The following SPOCK1 variants were observed in gnomAD, a reference collection of about 807,000 sequenced individuals.
SPOCK1 encodes the protein SPARC (osteonectin), cwcv and kazal like domains proteoglycan 1.
In SPOCK1, 23 loss-of-function variants were observed where a neutral mutation model predicts 55.3. That is an observed-to-expected ratio of 0.42 (90% CI 0.30 to 0.59). SPOCK1 has a LOEUF of 0.59. Among genes scored for constraint, SPOCK1 ranks in the 20% least tolerant of loss-of-function variants. The probability of loss-of-function intolerance (pLI) is 0.22; values close to 1 mark genes in which losing one functional copy is unlikely to be tolerated. For missense variants in SPOCK1, 499 were observed against 552.5 expected, an observed-to-expected ratio of 0.90 and a Z score of 0.97; for synonymous variants, 226 against 221.0, an observed-to-expected ratio of 1.02 and a Z score of -0.20.
chr5:137,068,829 T>C (rs962903799), intron 5 of SPOCK1, among the ~76,000 whole-genome samples: 3 of 152,332 alleles, frequency 2.0e-5, no homozygotes, highest in African/African-American at 7.2e-5. Context: ...TGGATCTGTG[T>C]TGTCTGAGAC....
intron 6 of SPOCK1, among the ~76,000 whole-genome samples, chr5:137,022,293 G>A (rs533636752): frequency 6.6e-6 from 1 of 152,108 alleles, no homozygotes. Flanking sequence ...CCCAATTCAT[G>A]TACTAGCTGA....
At chr5:137,474,072 T>C (rs1185251456) in intron 2 of SPOCK1, among the ~76,000 whole-genome samples, 2 of 152,134 alleles carry the variant, frequency 1.3e-5, no homozygotes, top group African/African-American at 4.8e-5. Flanking sequence ...TGATACAATG[T>C]GACTTTGGAG....
chr5:137,279,552 T>C (rs915249959), intron 2 of SPOCK1, among the ~76,000 whole-genome samples: 6 of 152,136 alleles, frequency 3.9e-5, no homozygotes, highest in South Asian at 2.1e-4. Flanking sequence ...CTTTAATCTA[T>C]GACAAAAGGC....
intron 3 of SPOCK1, among the ~76,000 whole-genome samples, chr5:137,190,234 CCATGAAA>C (rs1194611341): frequency 6.6e-6 from 1 of 152,116 alleles, no homozygotes; most frequent in Non-Finnish European, 1.5e-5. Context: ...GGGTAAAACG[CCATGAAA>C]CAGCACAGCA....
intron 4 of SPOCK1, among the ~76,000 whole-genome samples, chr5:137,128,055 C>G (rs1179669060): frequency 1.3e-5 from 2 of 152,084 alleles, no homozygotes; most frequent in Non-Finnish European, 2.9e-5. Flanking sequence ...GGAGGTGAAG[C>G]CTTTGGACAG....
intron 6 of SPOCK1, among the ~76,000 whole-genome samples, chr5:137,033,523 C>T (rs1751824079): frequency 6.6e-6 from 1 of 152,200 alleles, no homozygotes. Flanking sequence ...CGGGACTCAC[C>T]TTGCACGCTA....
intron 3 of SPOCK1, among the ~76,000 whole-genome samples, chr5:137,192,232 C>CA (rs60401497): frequency 0.32 from 22,026 of 67,806 alleles, 3,309 homozygotes; most frequent in Non-Finnish European, 0.41. Flanking sequence ...GACTCTGTCT[C>CA]AAAAAAAAAA....
At chr5:137,230,908 C>T (rs572447840) in intron 3 of SPOCK1, among the ~76,000 whole-genome samples, 1 of 111,196 alleles carries the variant, frequency 9.0e-6, no homozygotes, top group Admixed American at 8.3e-5. Context: ...CTAAGTATAA[C>T]TGTATTTGCA....
At chr5:137,319,497 T>A (rs901443257) in intron 2 of SPOCK1, among the ~76,000 whole-genome samples, 2 of 152,226 alleles carry the variant, frequency 1.3e-5, no homozygotes, top group Non-Finnish European at 2.9e-5. Flanking sequence ...TTGGAAGGCA[T>A]CAATGATAAA....
At chr5:137,361,687 C>T (rs1370888945) in intron 2 of SPOCK1, among the ~76,000 whole-genome samples, 1 of 152,028 alleles carries the variant, frequency 6.6e-6, no homozygotes, top group African/African-American at 2.4e-5. Context: ...GACTTGTTGC[C>T]GTTGTCTTCA....
At chr5:137,348,399 A>G (rs1384224302) in intron 2 of SPOCK1, among the ~76,000 whole-genome samples, 1 of 151,664 alleles carries the variant, frequency 6.6e-6, no homozygotes, top group African/African-American at 2.4e-5. Context: ...ACCAAAATGG[A>G]ACATCTGAAC....
At chr5:137,404,285 C>T (rs886683590) in intron 2 of SPOCK1, among the ~76,000 whole-genome samples, 3 of 152,204 alleles carry the variant, frequency 2.0e-5, no homozygotes, top group Admixed American at 1.3e-4. Context: ...CAAAAGGGAT[C>T]ATGGGCTGGT....
At chr5:137,423,559 C>A (rs918664826) in intron 2 of SPOCK1, among the ~76,000 whole-genome samples, 2 of 152,232 alleles carry the variant, frequency 1.3e-5, no homozygotes, top group Non-Finnish European at 2.9e-5. Flanking sequence ...GAGCGAGGCT[C>A]CATGGCAATG....
chr5:137,155,871 G>T (rs945063793), intron 3 of SPOCK1, among the ~76,000 whole-genome samples: 2 of 152,164 alleles, frequency 1.3e-5, no homozygotes, highest in African/African-American at 4.8e-5. Context: ...CCTGTTAGAG[G>T]GCAGACCCAC....
chr5:137,166,352 C>T (rs1754647574), intron 3 of SPOCK1, among the ~76,000 whole-genome samples: 1 of 151,734 alleles, frequency 6.6e-6, no homozygotes, highest in Non-Finnish European at 1.5e-5. Context: ...GAAATAAAGA[C>T]ATTCCCAGAC....
chr5:137,227,138 A>G (rs1165816567), intron 3 of SPOCK1, among the ~76,000 whole-genome samples: 1 of 152,216 alleles, frequency 6.6e-6, no homozygotes, highest in Non-Finnish European at 1.5e-5. Flanking sequence ...GGGAATCAGA[A>G]GACCCTACTC....
intron 2 of SPOCK1, among the ~76,000 whole-genome samples, chr5:137,306,381 C>T (rs1026186512): frequency 2.0e-5 from 3 of 152,132 alleles, no homozygotes; most frequent in African/African-American, 7.2e-5. Flanking sequence ...ATGCTTTGTT[C>T]CTCTATCTCT....
intron 2 of SPOCK1, among the ~76,000 whole-genome samples, chr5:137,461,564 T>C (rs1017622621): frequency 1.3e-5 from 2 of 152,206 alleles, no homozygotes. Flanking sequence ...GTAAGATCAC[T>C]GGCATTCCAC....
chr5:137,337,127 T>C (rs903358720), intron 2 of SPOCK1, among the ~76,000 whole-genome samples: 2 of 152,210 alleles, frequency 1.3e-5, no homozygotes, highest in Non-Finnish European at 2.9e-5. Flanking sequence ...GATGGGTAGC[T>C]ACCTTTTGCA....
Sources: allele counts gnomAD v4.1 joint callset (sites outside exome capture counted in the v4.1 genomes callset), GRCh38; gene constraint gnomAD v4.1.1; transcripts MANE v1.5; gene names NCBI Gene and HGNC (gene_info 2026-07-23, HGNC 2026-07-21).